The following ADAMTSL1 variants were observed in gnomAD, a reference collection of about 807,000 sequenced individuals.
The protein encoded by ADAMTSL1 is ADAMTS like 1.
A neutral mutation model predicts 201.8 loss-of-function variants in ADAMTSL1; 126 were observed. The observed-to-expected ratio is 0.62, with a 90% confidence interval of 0.54 to 0.72. The LOEUF (loss-of-function observed/expected upper bound fraction) is 0.72, where lower values mean the gene tolerates loss of function less well. Among genes scored for constraint, ADAMTSL1 ranks in the 30% least tolerant of loss-of-function variants. The pLI is 0.00. For missense variants in ADAMTSL1, 2,679 were observed against 2,277.8 expected (o/e 1.18, Z -3.59); for synonymous variants, 1,121 against 903.4 (o/e 1.24, Z -4.32).
At chr9:18,398,113 C>T (rs141473179) in intron 2 of ADAMTSL1, among the ~76,000 whole-genome samples, 218 of 152,260 alleles carry the variant, frequency 1.4e-3, no homozygotes, top group African/African-American at 5.1e-3. Context: ...ACTCTCTTTC[C>T]ATCAGAGCCA....
At chr9:18,498,486 G>A (rs975850492) in intron 1 of ADAMTSL1, among the ~76,000 whole-genome samples, 2 of 151,986 alleles carry the variant, frequency 1.3e-5, no homozygotes, top group African/African-American at 2.4e-5. Context: ...ACAGGCAAGC[G>A]TCACCATGCC....
At position 18,485,653 on chromosome 9, in the gene ADAMTSL1, G is replaced by A. The variant is rs180721794; in HGVS notation, c.63+11358G>A. Among the ~76,000 whole-genome samples the A allele has an allele frequency of 2.2e-4, 34 of 152,348 alleles. No homozygotes were observed. In the East Asian group the frequency reaches 5.8e-3, roughly 26 times the overall value. On this transcript the variant is annotated intron_variant, in intron 1 of 28. Transcript: ENST00000380548. ...TTCATCAGGCAGATAAGAGAGGGAA[G>A]AGGGGGCATTGCCAGCAGAGGGACT...
chr9:18,413,760 G>T (rs191929843), intron 2 of ADAMTSL1, among the ~76,000 whole-genome samples: 1 of 152,096 alleles, frequency 6.6e-6, no homozygotes, highest in African/African-American at 2.4e-5. Context: ...TGGTTGTAAA[G>T]TCTCTTTCCT....
At chr9:17,914,186 C>T (rs1359422809) in intron 1 of ADAMTSL1, among the ~76,000 whole-genome samples, 3 of 152,274 alleles carry the variant, frequency 2.0e-5, no homozygotes, top group East Asian at 1.9e-4. Context: ...CCAGCATCAT[C>T]CTGATACCAA....
At chr9:18,237,973 A>G (rs528878746) in intron 2 of ADAMTSL1, among the ~76,000 whole-genome samples, 17 of 152,356 alleles carry the variant, frequency 1.1e-4, no homozygotes, top group African/African-American at 3.8e-4. Context: ...GCAGAATGCC[A>G]TTGCTCACAC....
At chr9:18,530,010 A>G (rs1430921586) in intron 2 of ADAMTSL1, among the ~76,000 whole-genome samples, 3 of 152,204 alleles carry the variant, frequency 2.0e-5, no homozygotes, top group Non-Finnish European at 4.4e-5. Flanking sequence ...TGATGCCTGT[A>G]AAATTTGTGT....
At chr9:18,649,790 C>G (rs573880153) in intron 7 of ADAMTSL1, among the ~76,000 whole-genome samples, 140 of 152,176 alleles carry the variant, frequency 9.2e-4, no homozygotes, top group African/African-American at 3.3e-3. Context: ...AGGTGTCAGT[C>G]TGCCCCTACT....
intron 2 of ADAMTSL1, among the ~76,000 whole-genome samples, chr9:18,206,685 AT>A (rs1184576662): frequency 6.6e-6 from 1 of 152,168 alleles, no homozygotes; most frequent in African/African-American, 2.4e-5. Flanking sequence ...ACTTAAAAAA[AT>A]ATTTGTTGAT....
rs117716547 is a variant in ADAMTSL1 at position 18,584,916 on chromosome 9, T to C, written c.474+10650T>C. ...AGAATTGTGAGGAAATAAATTTCCA[T>C]TTATTATAACTTACTCAGTCTCAGG... On this transcript the variant is annotated intron_variant, in intron 4 of 28. Transcript: ENST00000380548. 4.4e-3 allele frequency among the ~76,000 whole-genome samples: 672 copies of C among 152,298 alleles called. 7 individuals carry two copies. Among genetic ancestry groups the C allele is most frequent in the South Asian group, 7.5e-3 (36 of 4,822 alleles).
At chr9:18,443,951 G>A (rs1310565106) in intron 2 of ADAMTSL1, among the ~76,000 whole-genome samples, 1 of 152,162 alleles carries the variant, frequency 6.6e-6, no homozygotes, top group Non-Finnish European at 1.5e-5. Flanking sequence ...ATAAGTACCT[G>A]TGATGGAGAT....
intron 23 of ADAMTSL1, among the ~76,000 whole-genome samples, chr9:18,843,940 AT>A (rs1825907781): frequency 1.3e-5 from 2 of 151,884 alleles, no homozygotes; most frequent in Non-Finnish European, 2.9e-5. Context: ...ATTCGTGTAA[AT>A]TTTTTTCAAA....
At chr9:18,744,571 A>T (rs1342840880) in intron 15 of ADAMTSL1, among the ~76,000 whole-genome samples, 2 of 152,276 alleles carry the variant, frequency 1.3e-5, no homozygotes, top group Admixed American at 1.3e-4. Context: ...TAATACTTAC[A>T]GAGCCCTTCA....
At chr9:17,931,314 C>A (rs1033136837) in intron 1 of ADAMTSL1, among the ~76,000 whole-genome samples, 6 of 152,070 alleles carry the variant, frequency 3.9e-5, no homozygotes, top group African/African-American at 1.4e-4. Context: ...CGTTCCTTAG[C>A]AGAAAGAAAG....
Position 18,279,901 on chromosome 9 carries a change from T to C in ADAMTSL1, c.207+115920T>C, listed in dbSNP as rs572360941. Among the ~76,000 whole-genome samples, 4 of 151,946 alleles carry C rather than the reference T, an allele frequency of 2.6e-5. No homozygotes were observed. The East Asian group carries it at 7.8e-4, about 30-fold the overall frequency. ...CACCAGGACCAGCCTGGTGCTGGGG[T>C]GGGCCTGGAGGTGGATTATAAGAAC... On this transcript the variant is annotated intron_variant, in intron 2 of 29. Coordinates refer to the ADAMTSL1 transcript ENST00000680146.
intron 2 of ADAMTSL1, among the ~76,000 whole-genome samples, chr9:18,333,844 G>T (rs11792893): frequency 0.079 from 12,007 of 152,166 alleles, 645 homozygotes; most frequent in Non-Finnish European, 0.12. Context: ...TAATATGACA[G>T]GCAATATTCT....
chr9:18,396,437 A>G (rs1167244223), intron 2 of ADAMTSL1, among the ~76,000 whole-genome samples: 8 of 150,306 alleles, frequency 5.3e-5, no homozygotes, highest in Admixed American at 3.3e-4. Context: ...AATATTCATT[A>G]CTATTCTAAT....
chr9:18,834,692 C>T (rs1825203075), intron 23 of ADAMTSL1, among the ~76,000 whole-genome samples: 2 of 152,242 alleles, frequency 1.3e-5, no homozygotes, highest in South Asian at 4.1e-4. Context: ...TCGGGGTAAA[C>T]TAGACTGCAC....
chr9:18,207,817 CAAGAT>C (rs914881864), intron 2 of ADAMTSL1, among the ~76,000 whole-genome samples: 2 of 151,724 alleles, frequency 1.3e-5, no homozygotes, highest in Admixed American at 1.3e-4. Context: ...AAAAAGAAAG[CAAGAT>C]AGGATAAATA....
intron 2 of ADAMTSL1, among the ~76,000 whole-genome samples, chr9:18,198,770 AAGGAC>A (rs1196500885): frequency 7.7e-6 from 1 of 129,552 alleles, no homozygotes; most frequent in Admixed American, 8.3e-5. Context: ...TATATACCCA[AAGGAC>A]TATAAATCAT....
Sources: gnomAD v4.1 joint callset for allele counts (sites outside exome capture counted in the v4.1 genomes callset) on GRCh38, gnomAD v4.1.1 for gene constraint, MANE v1.5 for transcripts, NCBI Gene and HGNC (gene_info 2026-07-23, HGNC 2026-07-21) for gene names.